The following CSMD2 variants were observed in gnomAD, a reference collection of about 807,000 sequenced individuals.
The protein encoded by CSMD2 is CUB and sushi domain-containing protein 2.
Under a neutral mutation model 398.5 loss-of-function variants are expected in CSMD2, and 130 were observed. The observed-to-expected ratio is 0.33, with a 90% CI of 0.28 to 0.38. CSMD2 has a LOEUF of 0.38. Among genes scored for constraint, CSMD2 ranks in the 10% least tolerant of loss-of-function variants. CSMD2 has a pLI of 1.00. For missense variants in CSMD2, 3,829 were observed against 4,764.9 expected (o/e 0.80, Z 5.78); for synonymous variants, 1,828 against 1,908.5 (o/e 0.96, Z 1.10).
At chr1:33,571,808 TG>T in intron 50 of CSMD2, 82 bp from the exon 51 acceptor site, 1 of 1,063,818 alleles carries the variant, frequency 9.4e-7, no homozygotes. Context: ...TCTAGGGACT[TG>T]GAGACCTTAA....
At chr1:33,839,151 C>T (rs1382990659) in intron 6 of CSMD2, 1 of 152,136 alleles carries the variant, frequency 6.6e-6, no homozygotes, top group East Asian at 1.9e-4. Flanking sequence ...AGAGATTGAC[C>T]AAGATTACAT....
chr1:33,783,978 C>T (rs1288742017), intron 12 of CSMD2, among the ~76,000 whole-genome samples: 1 of 148,952 alleles, frequency 6.7e-6, no homozygotes, highest in African/African-American at 2.5e-5. Context: ...GTCCCCGGCC[C>T]CCACCATGTG....
chr1:33,631,378 G>A (rs1217276563), intron 32 of CSMD2, among the ~76,000 whole-genome samples: 2 of 151,974 alleles, frequency 1.3e-5, no homozygotes, highest in Admixed American at 6.5e-5. Flanking sequence ...GAAAATAAAA[G>A]AAAAGCCACT....
chr1:33,759,558 CTCGTGA>C (rs1240337942), intron 13 of CSMD2, among the ~76,000 whole-genome samples: 1 of 151,976 alleles, frequency 6.6e-6, no homozygotes, highest in Non-Finnish European at 1.5e-5. Flanking sequence ...ATCTCCTGAC[CTCGTGA>C]TCTGCCTGCC....
intron 2 of CSMD2, among the ~76,000 whole-genome samples, chr1:34,065,485 C>T (rs2148278502): frequency 6.6e-6 from 1 of 152,242 alleles, no homozygotes; most frequent in Non-Finnish European, 1.5e-5. Context: ...ACAAGGGTAC[C>T]ACCAGCCCTA....
intron 13 of CSMD2, among the ~76,000 whole-genome samples, chr1:33,748,437 C>CA (rs1647697965): frequency 6.6e-6 from 1 of 152,116 alleles, no homozygotes; most frequent in South Asian, 2.1e-4. Flanking sequence ...TCAGAAGCGT[C>CA]AGACTGTTGA....
At chr1:33,620,495 G>T (rs1355513359) in intron 37 of CSMD2, among the ~76,000 whole-genome samples, 13 of 152,218 alleles carry the variant, frequency 8.5e-5, no homozygotes, top group Non-Finnish European at 1.5e-5. Flanking sequence ...GAAGAAAATT[G>T]AGAAGAGGTG....
intron 3 of CSMD2, among the ~76,000 whole-genome samples, chr1:34,019,070 G>A (rs1218247897): frequency 6.6e-6 from 1 of 152,164 alleles, no homozygotes; most frequent in Non-Finnish European, 1.5e-5. Flanking sequence ...TTAACTTTCA[G>A]TGCCTCATCT....
chr1:33,569,560 C>A lies in CSMD2; in HGVS notation c.7958-13G>T. ...CCACAGGAGATGACTAAAATGATCA[C>A]AAGATGCTCAGTAAGCCAGCCCCAA... On this transcript the variant is annotated splice_polypyrimidine_tract_variant and intron_variant, in intron 51 of 70. Transcript: ENST00000373381. 1 of 1,611,338 alleles carries A rather than the reference C, an allele frequency of 6.2e-7. No individual in the cohort carries two copies. Among genetic ancestry groups the A allele is most frequent in the Non-Finnish European group, 8.5e-7 (1 of 1,178,168 alleles).
intron 13 of CSMD2, among the ~76,000 whole-genome samples, chr1:33,764,978 C>T (rs1650305289): frequency 6.6e-6 from 1 of 152,102 alleles, no homozygotes; most frequent in African/African-American, 2.4e-5. Flanking sequence ...AAGTACCTGC[C>T]TATTTAAGAA....
chr1:33,758,226 A>C (rs1649316173), intron 13 of CSMD2, among the ~76,000 whole-genome samples: 2 of 152,068 alleles, frequency 1.3e-5, no homozygotes, highest in African/African-American at 4.8e-5. Flanking sequence ...TTTTTGCCCC[A>C]GTGATTTTCT....
At chr1:33,831,478 A>T (rs1330033481) in intron 6 of CSMD2, among the ~76,000 whole-genome samples, 1 of 152,152 alleles carries the variant, frequency 6.6e-6, no homozygotes, top group Non-Finnish European at 1.5e-5. Flanking sequence ...TTTTGTCACC[A>T]CCAGGCCTGC....
At chr1:33,586,731 T>C in intron 45 of CSMD2, 114 bp from the exon 46 acceptor site, 1 of 683,242 alleles carries the variant, frequency 1.5e-6, no homozygotes, top group Non-Finnish European at 2.6e-6. Flanking sequence ...CAGACTTAAA[T>C]AACTAGCTCA....
intron 3 of CSMD2, among the ~76,000 whole-genome samples, chr1:33,982,640 G>T (rs760874005): frequency 1.9e-4 from 29 of 152,210 alleles, no homozygotes; most frequent in Non-Finnish European, 2.9e-4. Context: ...ACGGACCTGT[G>T]AAGAGACTCC....
intron 13 of CSMD2, among the ~76,000 whole-genome samples, chr1:33,760,901 C>T (rs1273287728): frequency 6.6e-6 from 1 of 152,082 alleles, no homozygotes; most frequent in East Asian, 1.9e-4. Context: ...CCTTACCACA[C>T]CCTCAATCCA....
At chr1:33,901,694 C>G (rs905416527) in intron 5 of CSMD2, among the ~76,000 whole-genome samples, 3 of 152,152 alleles carry the variant, frequency 2.0e-5, no homozygotes, top group Non-Finnish European at 4.4e-5. Flanking sequence ...CCTAGTTCAG[C>G]ATTGTAATCA....
chr1:33,601,581 C>T (rs770224334), intron 43 of CSMD2, among the ~76,000 whole-genome samples: 3 of 152,160 alleles, frequency 2.0e-5, no homozygotes, highest in African/African-American at 4.8e-5. Context: ...GAGAATTCCC[C>T]TAACCCCGAT....
intron 6 of CSMD2, chr1:33,839,929 A>G (rs1306849263): frequency 6.5e-6 from 1 of 153,048 alleles, no homozygotes; most frequent in African/African-American, 2.4e-5. Context: ...AAAGCTCCCC[A>G]GAAGCTGGTT....
At chr1:33,887,400 A>C (rs896722626) in intron 5 of CSMD2, among the ~76,000 whole-genome samples, 3 of 152,196 alleles carry the variant, frequency 2.0e-5, no homozygotes, top group African/African-American at 7.2e-5. Context: ...GGTTTATAAT[A>C]ACAGAGAAAA....
Sources: gnomAD v4.1 joint callset for allele counts (sites outside exome capture counted in the v4.1 genomes callset) on GRCh38, gnomAD v4.1.1 for gene constraint, MANE v1.5 for transcripts, NCBI Gene and HGNC (gene_info 2026-07-23, HGNC 2026-07-21) for gene names.